Variants in SLC6A13 observed in about 807,000 individuals in gnomAD.
The protein encoded by SLC6A13 is sodium- and chloride-dependent GABA transporter 2.
In SLC6A13, 69 loss-of-function variants were observed where a neutral mutation model predicts 72.9. The ratio of observed to expected loss-of-function variants is 0.95; its 90% CI spans 0.78 to 1.16. SLC6A13 has a LOEUF of 1.16. Ranked by LOEUF, SLC6A13 falls within the 50% of genes most tolerant of loss-of-function variation. The pLI, the probability that SLC6A13 is intolerant of heterozygous loss-of-function variation, is 0.00. For missense variants in SLC6A13, 735 were observed against 760.5 expected, an observed-to-expected ratio of 0.97 and a Z score of 0.39; for synonymous variants, 303 against 303.0, an observed-to-expected ratio of 1.00 and a Z score of 0.00.
rs191778898 is a variant in SLC6A13 at position 237,632 on chromosome 12, T to C, written c.563+294A>G. On this transcript the variant is annotated intron_variant, in intron 5 of 14. Transcript: ENST00000343164. ...GGAGGGGGTGGGTCAGAGTCCACAC[T>C]CTTGCAGCCACAGGGAGGAGGAAGT... Among the ~76,000 whole-genome samples the C allele has an allele frequency of 4.4e-3, 673 of 152,070 alleles. 6 individuals carry two copies. Among genetic ancestry groups the C allele is most frequent in the Non-Finnish European group, 6.5e-3 (445 of 67,974 alleles).
rs779243667 is a variant in SLC6A13, at chr12:235,191, T to C, written c.730A>G (p.Met244Val). The C allele has an allele frequency of 1.2e-6, 2 of 1,613,994 alleles. No individual in the cohort carries two copies. Among genetic ancestry groups the C allele is most frequent in the South Asian group, 2.2e-5 (2 of 91,090 alleles). The change falls in exon 7 of 15, where the codon ATG becomes GTG. Residue 244 changes from methionine (M) to valine (V), a missense_variant. By Grantham distance (21) the Met-to-Val change is conservative. Coordinates refer to ENST00000343164, the MANE Select transcript of SLC6A13 (RefSeq NM_016615.5). ...VYFTATFPYL[M>V]LVVLLIRGVT... ...CCTCGAATTAACAGGACCACCAGCA[T>C]GAGGTAAGGAAATGTGGCCGTGAAG...
chr12:233,029 C>T lies in SLC6A13; in HGVS notation c.831+2061G>A, dbSNP rs973047681. Among the ~76,000 whole-genome samples, 5 of 152,204 alleles carry T rather than the reference C, an allele frequency of 3.3e-5. No individual in the cohort carries two copies. In the South Asian group the frequency reaches 6.2e-4, roughly 19 times the overall value. ...CAACATCAGTGAATATGCTGGTGCC[C>T]GACTATTTTAAACGTTTGGAAAGCC... On this transcript the variant is annotated intron_variant, in intron 7 of 14. Transcript: ENST00000343164.
chr12:227,423 C>A, intron 8 of SLC6A13, 142 bp downstream of exon 8: 2 of 1,432,702 alleles, frequency 1.4e-6, no homozygotes, highest in East Asian at 2.5e-5. Context: ...CTCCTGGTAG[C>A]CCTGGGGTGT....
Position 223,172 on chromosome 12 carries a change from G to T in SLC6A13, c.1374C>A (p.Phe458Leu). Residue 458 changes from phenylalanine to leucine, a missense_variant, in exon 12 of 15, where the codon TTC becomes TTA. Coordinates refer to ENST00000343164, the MANE Select transcript of SLC6A13 (RefSeq NM_016615.5). ...CACAGAGGGACTCGAAGATGGCCAC[G>T]AACAGGAGGCACATGCCACTGGCCG... The part of the protein sequence containing the change: ...YYAASGMCLL[F>L]VAIFESLCVA... 3 of 1,613,836 alleles carry T rather than the reference G, an allele frequency of 1.9e-6. No individual in the cohort carries two copies. The highest frequency in any genetic ancestry group is 2.5e-6 in the Non-Finnish European group (3 of 1,179,750).
At position 234,536 on chromosome 12, in the gene SLC6A13, G is replaced by C. The variant is rs147644060; in HGVS notation, c.831+554C>G. ...TTTTATTTCATTTTATTTTATTTTA[G>C]AGACAGAGTCTCACTCTGTTGCCCA... On this transcript the variant is annotated intron_variant, in intron 7 of 14. Transcript: ENST00000343164. 1.4e-3 allele frequency among the ~76,000 whole-genome samples: 203 copies of C among 150,138 alleles called. 1 individual carries two copies. The highest frequency in any genetic ancestry group is 4.9e-3 in the African/African-American group (198 of 40,824).
intron 1 of SLC6A13, among the ~76,000 whole-genome samples, chr12:261,753 C>T (rs1161406006): frequency 6.6e-6 from 1 of 152,046 alleles, no homozygotes; most frequent in African/African-American, 2.4e-5. Context: ...TGGTGACACC[C>T]CGTCTCTACG....
chr12:228,906 C>T (rs1053568868), intron 7 of SLC6A13, among the ~76,000 whole-genome samples: 1 of 152,194 alleles, frequency 6.6e-6, no homozygotes, highest in East Asian at 1.9e-4. Context: ...TAATGGTCAC[C>T]AGGTATGGGA....
chr12:247,216 C>T (rs79608559), intron 2 of SLC6A13, among the ~76,000 whole-genome samples: 4,232 of 149,710 alleles, frequency 0.028, 140 homozygotes, highest in African/African-American at 0.085. Context: ...CCTATAGATC[C>T]AAAAAGTTCA....
rs372343942 is a variant in SLC6A13, at chr12:260,013, T to C, written c.40A>G (p.Thr14Ala). The change falls in exon 2 of 15, where the codon ACA becomes GCA. Residue 14 changes from threonine to alanine, a missense_variant. By Grantham distance (58) the Thr-to-Ala change is moderately conservative. Transcript: ENST00000343164. Reference sequence around the variant, plus strand: ...TCCATGACTGGATACACTGGTTTTGTCTCTCCATTACTGGTTGTGCCTGAG... The same window carrying C: ...TCCATGACTGGATACACTGGTTTTGCCTCTCCATTACTGGTTGTGCCTGAG... The part of the protein sequence containing the change: ...RVSGTTSNGE[T>A]KPVYPVMEKK... 162 of 1,614,058 alleles carry C rather than the reference T, an allele frequency of 1.0e-4. No homozygotes were observed. The highest frequency in any genetic ancestry group is 1.3e-4 in the Non-Finnish European group (158 of 1,180,024).
chr12:238,274 G>A (rs995047251), intron 4 of SLC6A13: 3 of 1,454,102 alleles, frequency 2.1e-6, no homozygotes, highest in Admixed American at 2.1e-5. Context: ...AACAGGAAAG[G>A]TGCTCTTCAG....
intron 13 of SLC6A13, among the ~76,000 whole-genome samples, chr12:221,758 C>T (rs1426720115): frequency 6.6e-6 from 1 of 152,218 alleles, no homozygotes; most frequent in Non-Finnish European, 1.5e-5. Context: ...GGCCCCTGTG[C>T]CCCTGGGCAC....
intron 9 of SLC6A13, among the ~76,000 whole-genome samples, chr12:225,719 A>T (rs148619554): frequency 2.0e-5 from 3 of 152,176 alleles, no homozygotes; most frequent in Non-Finnish European, 4.4e-5. Context: ...AATCACAGAC[A>T]TCCACTGCCC....
chr12:242,792 A>G, intron 3 of SLC6A13, 38 bp from the exon 4 acceptor site: 3 of 1,553,678 alleles, frequency 1.9e-6, no homozygotes, highest in Non-Finnish European at 2.6e-6. Context: ...GGAACGGTGG[A>G]CAGCGGTGGC....
At position 227,613 on chromosome 12, in the gene SLC6A13, C is replaced by T. The variant is rs145346123; in HGVS notation, c.887G>A (p.Cys296Tyr). 6.2e-7 allele frequency: 1 copy of T among 1,613,814 alleles called. No individual in the cohort carries two copies. The highest frequency in any genetic ancestry group is 8.5e-7 in the Non-Finnish European group (1 of 1,179,806). ...GTTGTAGCTGCCCAGGGCTGTCAGG[C>T]ACCCAAGACAGATGGCGAAGGAGAA... ...IFFSFAICLGCLTALGSYNKY... is the reference protein window; with the variant it reads ...IFFSFAICLGYLTALGSYNKY... The change falls in exon 8 of 15, where the codon TGC becomes TAC. Residue 296 changes from cysteine to tyrosine, a missense_variant. Transcript: ENST00000343164.
intron 7 of SLC6A13, 28 bp downstream of exon 7, chr12:235,062 G>A (rs762522800): frequency 1.2e-5 from 20 of 1,613,898 alleles, no homozygotes; most frequent in East Asian, 2.2e-5. Context: ...TGGGAGTCAC[G>A]TGAGGGCTCC....
At chr12:238,220 A>C (rs1050424120) in intron 4 of SLC6A13, 18 of 1,521,838 alleles carry the variant, frequency 1.2e-5, no homozygotes, top group South Asian at 1.2e-5. Flanking sequence ...ATGTGGGTAC[A>C]TAGATGCTTG....
At chr12:260,401 C>T (rs1430881987) in intron 1 of SLC6A13, among the ~76,000 whole-genome samples, 9 of 152,124 alleles carry the variant, frequency 5.9e-5, no homozygotes, top group South Asian at 2.1e-4. Flanking sequence ...CAGTCAGCCT[C>T]GTCGGGATTA....
chr12:252,017 A>G (rs1341923848), intron 2 of SLC6A13, among the ~76,000 whole-genome samples: 1 of 152,202 alleles, frequency 6.6e-6, no homozygotes, highest in African/African-American at 2.4e-5. Flanking sequence ...GAATGAAAAA[A>G]ATAGTATTTG....
chr12:259,358 T>C (rs1942852477), intron 2 of SLC6A13: 2 of 1,016,866 alleles, frequency 2.0e-6, no homozygotes, highest in Admixed American at 1.0e-4. Flanking sequence ...GTTATCAACG[T>C]CATCATCAGC....
Sources: allele counts gnomAD v4.1 joint callset (sites outside exome capture counted in the v4.1 genomes callset), GRCh38; gene constraint gnomAD v4.1.1; transcripts MANE v1.5; gene names NCBI Gene and HGNC (gene_info 2026-07-23, HGNC 2026-07-21).